HEMK2: variants seen among roughly 807,000 people sequenced by gnomAD.
The protein encoded by HEMK2 is methyltransferase HEMK2.
chr21:28,713,305 A>G, the HEMK2 span, among the ~76,000 whole-genome samples: 1 of 152,200 alleles, frequency 6.6e-6, no homozygotes, highest in South Asian at 2.1e-4. Flanking sequence ...GAGAGCAAAC[A>G]TTCACCCTTA....
the HEMK2 span, among the ~76,000 whole-genome samples, chr21:28,664,547 G>A: frequency 2.0e-5 from 3 of 152,100 alleles, no homozygotes; most frequent in African/African-American, 7.2e-5. Flanking sequence ...TTATAAAATA[G>A]GGATAGTGCA....
the HEMK2 span, among the ~76,000 whole-genome samples, chr21:28,839,010 T>TATATACAC: frequency 5.5e-5 from 4 of 72,296 alleles, no homozygotes; most frequent in African/African-American, 2.2e-4. Context: ...TACATATATA[T>TATATACAC]ACACAATCTG....
At chr21:28,629,688 TG>T in the HEMK2 span, among the ~76,000 whole-genome samples, 1 of 152,230 alleles carries the variant, frequency 6.6e-6, no homozygotes, top group East Asian at 1.9e-4. Flanking sequence ...TAACTGTAGC[TG>T]CCATCTCTAA....
At chr21:28,661,493 G>A in the HEMK2 span, among the ~76,000 whole-genome samples, 3 of 151,988 alleles carry the variant, frequency 2.0e-5, no homozygotes, top group African/African-American at 4.8e-5. Context: ...TTATGCTAAT[G>A]ACTAAAAGTG....
chr21:28,780,600 C>T, the HEMK2 span, among the ~76,000 whole-genome samples: 2 of 152,198 alleles, frequency 1.3e-5, no homozygotes, highest in African/African-American at 2.4e-5. Flanking sequence ...CGTGAGCCAC[C>T]GCGCCCAGCC....
At chr21:28,879,766 T>C in the HEMK2 span, 232 of 801,190 alleles carry the variant, frequency 2.9e-4, 1 homozygote, top group African/African-American at 3.2e-3. Context: ...ATCAGAGTAG[T>C]CTGTGATAGC....
chr21:28,604,865 T>G, the HEMK2 span, among the ~76,000 whole-genome samples: 1 of 152,120 alleles, frequency 6.6e-6, no homozygotes, highest in African/African-American at 2.4e-5. Flanking sequence ...GTGGTCAGAG[T>G]TGAAGTCTTC....
the HEMK2 span, among the ~76,000 whole-genome samples, chr21:28,753,292 A>C: frequency 8.6e-5 from 13 of 151,472 alleles, 1 homozygote; most frequent in South Asian, 2.5e-3. Context: ...AGGAGGCAGA[A>C]GTCGCAGTGA....
the HEMK2 span, among the ~76,000 whole-genome samples, chr21:28,578,683 C>A: frequency 1.3e-5 from 2 of 152,150 alleles, no homozygotes; most frequent in Non-Finnish European, 2.9e-5. Context: ...CAGGGATAAG[C>A]AGAAACTGTC....
chr21:28,787,261 TA>T, the HEMK2 span, among the ~76,000 whole-genome samples: 36 of 152,344 alleles, frequency 2.4e-4, no homozygotes, highest in South Asian at 7.5e-3. Context: ...ATAAAAGTTC[TA>T]GAAGGTAACA....
the HEMK2 span, among the ~76,000 whole-genome samples, chr21:28,783,667 C>A: frequency 3.9e-4 from 59 of 152,334 alleles, no homozygotes; most frequent in East Asian, 0.011. Flanking sequence ...GCATGAGGAG[C>A]CCTTCGGCCC....
the HEMK2 span, among the ~76,000 whole-genome samples, chr21:28,646,510 T>C: frequency 6.6e-6 from 1 of 152,188 alleles, no homozygotes; most frequent in East Asian, 1.9e-4. Context: ...GGTATTTCAG[T>C]TATCTGTTGC....
chr21:28,731,477 T>G, the HEMK2 span, among the ~76,000 whole-genome samples: 1 of 152,128 alleles, frequency 6.6e-6, no homozygotes, highest in African/African-American at 2.4e-5. Context: ...ATTCTCTCTG[T>G]GTCCTTAGAT....
the HEMK2 span, among the ~76,000 whole-genome samples, chr21:28,708,578 C>T: frequency 3.3e-4 from 50 of 152,168 alleles, no homozygotes; most frequent in African/African-American, 1.2e-3. Context: ...CAGTTGTCAA[C>T]AATGGTTATG....
At chr21:28,792,671 G>A in the HEMK2 span, among the ~76,000 whole-genome samples, 1 of 152,118 alleles carries the variant, frequency 6.6e-6, no homozygotes, top group Non-Finnish European at 1.5e-5. Context: ...GCTGTGTATT[G>A]AACCTCTGCC....
At chr21:28,601,608 C>CTCTCTA in the HEMK2 span, among the ~76,000 whole-genome samples, 1 of 87,724 alleles carries the variant, frequency 1.1e-5, no homozygotes, top group Non-Finnish European at 2.3e-5. Context: ...TCTGACATCT[C>CTCTCTA]TCTCTCTCTC....
the HEMK2 span, among the ~76,000 whole-genome samples, chr21:28,707,508 G>A: frequency 2.6e-5 from 4 of 151,800 alleles, no homozygotes; most frequent in East Asian, 1.9e-4. Flanking sequence ...CACCTGCCTC[G>A]GCCTCCCAAA....
chr21:28,788,173 CATATATACACATATATACGTATATACGT>C, the HEMK2 span, among the ~76,000 whole-genome samples: 2 of 114,800 alleles, frequency 1.7e-5, no homozygotes, highest in African/African-American at 1.1e-4. Flanking sequence ...TATACTCCAT[CATATATACACATATATACGTATATACGT>C]ATATATACGT....
chr21:28,774,773 CGTAA>C, the HEMK2 span, among the ~76,000 whole-genome samples: 6 of 152,134 alleles, frequency 3.9e-5, no homozygotes, highest in African/African-American at 1.2e-4. Flanking sequence ...TTTTTGAATA[CGTAA>C]GTATTATTTC....
Sources: allele counts gnomAD v4.1 joint callset (sites outside exome capture counted in the v4.1 genomes callset), GRCh38; gene constraint gnomAD v4.1.1; transcripts MANE v1.5; gene names NCBI Gene and HGNC (gene_info 2026-07-23, HGNC 2026-07-21).